Variants in TSHZ1 observed in about 807,000 individuals in gnomAD.
TSHZ1 encodes the protein teashirt zinc finger homeobox 1.
Under a neutral mutation model 67.1 loss-of-function variants are expected in TSHZ1, and 12 were observed. The observed-to-expected ratio is 0.18, with a 90% CI of 0.11 to 0.29. The LOEUF is 0.29. TSHZ1 is among the 10% of genes least tolerant of loss of function. The probability of loss-of-function intolerance (pLI) is 1.00; values close to 1 mark genes in which losing one functional copy is unlikely to be tolerated. For missense variants in TSHZ1, 1,305 were observed against 1,413.9 expected (o/e 0.92, Z 1.23); for synonymous variants, 632 against 622.4 (o/e 1.02, Z -0.23).
chr18:75,216,135 A>C (rs947549434), intron 1 of TSHZ1, among the ~76,000 whole-genome samples: 12 of 152,208 alleles, frequency 7.9e-5, no homozygotes, highest in African/African-American at 2.4e-4. Flanking sequence ...GGGGATGAAA[A>C]TAGTAAGAAA....
At chr18:75,265,476 T>C (rs1260201976) in intron 1 of TSHZ1, among the ~76,000 whole-genome samples, 1 of 152,236 alleles carries the variant, frequency 6.6e-6, no homozygotes, top group African/African-American at 2.4e-5. Flanking sequence ...AGAAAGTGTG[T>C]TACATGACCT....
intron 1 of TSHZ1, among the ~76,000 whole-genome samples, chr18:75,251,631 T>G (rs756582094): frequency 5.3e-5 from 8 of 152,202 alleles, no homozygotes; most frequent in Non-Finnish European, 1.0e-4. Context: ...CATGGGTATT[T>G]TTTAATTTGA....
intron 1 of TSHZ1, among the ~76,000 whole-genome samples, chr18:75,246,966 G>C (rs71359073): frequency 6.6e-6 from 1 of 152,198 alleles, no homozygotes; most frequent in African/African-American, 2.4e-5. Context: ...AAATGCTGTA[G>C]AGGGAGCGGG....
At chr18:75,269,008 C>T (rs2023525709) in intron 1 of TSHZ1, among the ~76,000 whole-genome samples, 1 of 152,278 alleles carries the variant, frequency 6.6e-6, no homozygotes, top group Admixed American at 6.5e-5. Flanking sequence ...TGATTGACGA[C>T]AGTGAGGCTT....
At chr18:75,225,393 A>G (rs1206814801) in intron 1 of TSHZ1, among the ~76,000 whole-genome samples, 2 of 152,166 alleles carry the variant, frequency 1.3e-5, no homozygotes, top group Non-Finnish European at 2.9e-5. Flanking sequence ...AGCTCGCGGG[A>G]GAGTTGGAGA....
chr18:75,234,597 TC>T (rs33931060), intron 1 of TSHZ1, among the ~76,000 whole-genome samples: 6,185 of 152,008 alleles, frequency 0.041, 417 homozygotes, highest in African/African-American at 0.14. Context: ...GGTTTTTTTT[TC>T]CCCCCATTAA....
intron 1 of TSHZ1, among the ~76,000 whole-genome samples, chr18:75,226,133 A>G (rs1180025977): frequency 1.3e-5 from 2 of 152,218 alleles, no homozygotes; most frequent in South Asian, 4.1e-4. Flanking sequence ...AAATATAAAC[A>G]TATGTTTGCA....
At chr18:75,252,203 T>G (rs551580806) in intron 1 of TSHZ1, among the ~76,000 whole-genome samples, 1 of 152,354 alleles carries the variant, frequency 6.6e-6, no homozygotes, top group South Asian at 2.1e-4. Flanking sequence ...GGAAGTGTGG[T>G]TTTCTCCCAC....
rs1220080470 is a variant in TSHZ1 at position 75,211,839 on chromosome 18, G to GGCGGCGGCTGAGGCGACGGCT, written c.-29_-9dup. 2 of 1,133,478 alleles carry GGCGGCGGCTGAGGCGACGGCT rather than the reference G, an allele frequency of 1.8e-6. No individual in the cohort carries two copies. Among genetic ancestry groups the GGCGGCGGCTGAGGCGACGGCT allele is most frequent in the Non-Finnish European group, 2.2e-6 (2 of 925,592 alleles). The allele number at this position is 1,133,478 out of a possible 1,614,324, so 70.2% of individuals were successfully genotyped here. On this transcript the variant is annotated 5_prime_UTR_variant, in exon 1 of 2. Coordinates refer to ENST00000580243, the MANE Select transcript of TSHZ1 (RefSeq NM_001308210.2). ...CGCGTCCCCGCGCCCCGCGAACTCC[G>GGCGGCGGCTGAGGCGACGGCT]GCGGCGGCTGAGGCGACGGCTGCGG...
intron 1 of TSHZ1, among the ~76,000 whole-genome samples, chr18:75,247,330 G>T (rs1261617787): frequency 6.6e-6 from 1 of 152,182 alleles, no homozygotes; most frequent in African/African-American, 2.4e-5. Flanking sequence ...TCCTGCCAGG[G>T]GGGGCTGTGC....
intron 1 of TSHZ1, among the ~76,000 whole-genome samples, chr18:75,259,393 T>G (rs1240846900): frequency 6.6e-6 from 1 of 152,168 alleles, no homozygotes; most frequent in Non-Finnish European, 1.5e-5. Flanking sequence ...AATAAATGCA[T>G]AAGTTTTAAG....
At chr18:75,239,013 C>T (rs1188434367) in intron 1 of TSHZ1, among the ~76,000 whole-genome samples, 1 of 152,242 alleles carries the variant, frequency 6.6e-6, no homozygotes, top group African/African-American at 2.4e-5. Context: ...TGCAGGCCCA[C>T]GACGCTGCCC....
rs890084690 is a variant in TSHZ1 at position 75,246,068 on chromosome 18, C to T, written c.40+34152C>T. 2.8e-4 allele frequency among the ~76,000 whole-genome samples: 42 copies of T among 152,318 alleles called. 1 individual carries two copies. Among genetic ancestry groups the T allele is most frequent in the Admixed American group, 2.0e-3 (31 of 15,302 alleles). On this transcript the variant is annotated intron_variant, in intron 1 of 1. Transcript: ENST00000580243. ...TCCAGGCACGTCACCAGCACCGAAG[C>T]GCCTTTACCTTATCAGCGTGGATTC...
At chr18:75,267,042 T>G (rs2023497992) in intron 1 of TSHZ1, among the ~76,000 whole-genome samples, 1 of 152,248 alleles carries the variant, frequency 6.6e-6, no homozygotes, top group Non-Finnish European at 1.5e-5. Context: ...AAAGTTTTTA[T>G]TTCTGTTATA....
Position 75,288,589 on chromosome 18 carries a change from G to A in TSHZ1, c.3182G>A (p.Gly1061Asp). The A allele has an allele frequency of 6.2e-7, 1 of 1,612,930 alleles. No homozygotes were observed. Among genetic ancestry groups the A allele is most frequent in the Non-Finnish European group, 8.5e-7 (1 of 1,179,560 alleles). ...AAACTGCACCTTAGTAAGACCCACG[G>A]CAAGTCTCCCGAGGACCACCTGATC... is the stretch of plus-strand genomic sequence containing the variant. The part of the protein sequence containing the change: ...AVKLHLSKTH[G>D]KSPEDHLIYV... The change falls in exon 2 of 2, where the codon GGC becomes GAC. Residue 1061 changes from glycine (G) to aspartate (D), a missense_variant. Coordinates refer to ENST00000580243, the MANE Select transcript of TSHZ1 (RefSeq NM_001308210.2). This position sits in a 1 kb window ranked among gnomAD's most constrained non-coding sequence, Gnocchi z 4.9.
chr18:75,253,981 TGC>T, intron 1 of TSHZ1, among the ~76,000 whole-genome samples: 1 of 152,348 alleles, frequency 6.6e-6, no homozygotes, highest in South Asian at 2.1e-4. Context: ...TAATTCCTGT[TGC>T]GTAATCTCCA....
chr18:75,227,067 A>T (rs11872191), intron 1 of TSHZ1, among the ~76,000 whole-genome samples: 54,614 of 151,880 alleles, frequency 0.36, 10,603 homozygotes, highest in African/African-American at 0.52. Context: ...AGCATGACCC[A>T]GGTGCCCCTG....
At position 75,246,799 on chromosome 18, in the gene TSHZ1, C is replaced by T. The variant is rs543872243; in HGVS notation, c.40+34883C>T. Among the ~76,000 whole-genome samples, 358 of 152,258 alleles carry T rather than the reference C, an allele frequency of 2.4e-3. 2 individuals carry two copies. Among genetic ancestry groups the T allele is most frequent in the Middle Eastern group, 3.4e-3 (1 of 294 alleles). The stretch of plus-strand genomic sequence containing the variant: ...AGATGTGGCAAATTTTCTCTCCTTT[C>T]ACCCAAACTCAAGAATTTAATGCTA... On this transcript the variant is annotated intron_variant, in intron 1 of 1. Coordinates refer to ENST00000580243, the MANE Select transcript of TSHZ1 (RefSeq NM_001308210.2).
intron 1 of TSHZ1, among the ~76,000 whole-genome samples, chr18:75,218,219 C>T (rs2022798207): frequency 6.6e-6 from 1 of 152,206 alleles, no homozygotes; most frequent in South Asian, 2.1e-4. Flanking sequence ...GGGACAAATT[C>T]TCCTACAGCA....
Sources: allele counts gnomAD v4.1 joint callset (sites outside exome capture counted in the v4.1 genomes callset), GRCh38; gene constraint gnomAD v4.1.1; non-coding constraint Gnocchi (gnomAD v3.1); transcripts MANE v1.5; gene names NCBI Gene and HGNC (gene_info 2026-07-23, HGNC 2026-07-21).